DLGAP2: variants seen among roughly 807,000 people sequenced by gnomAD.
The protein encoded by DLGAP2 is disks large-associated protein 2.
A neutral mutation model predicts 100.3 loss-of-function variants in DLGAP2; 26 were observed. The ratio of observed to expected loss-of-function variants is 0.26; its 90% CI spans 0.19 to 0.36. The LOEUF is 0.36. Among genes scored for constraint, DLGAP2 ranks in the 10% least tolerant of loss-of-function variants. The pLI is 1.00. For synonymous variants in DLGAP2, 886 were observed against 630.1 expected (o/e 1.41, Z -6.08); for missense variants, 1,858 against 1,453.2 (o/e 1.28, Z -4.53).
intron 1 of DLGAP2, among the ~76,000 whole-genome samples, chr8:803,773 C>T (rs1796215513): frequency 6.6e-6 from 1 of 152,146 alleles, no homozygotes; most frequent in African/African-American, 2.4e-5. Context: ...TTTATATTCC[C>T]ATTTTGTGAT....
intron 2 of DLGAP2, among the ~76,000 whole-genome samples, chr8:975,392 A>T (rs544004573): frequency 6.6e-6 from 1 of 152,376 alleles, no homozygotes; most frequent in East Asian, 1.9e-4. Context: ...AAATAATTCT[A>T]TAAAATTATT....
At chr8:1,221,258 C>A (rs1215529298) in intron 2 of DLGAP2, among the ~76,000 whole-genome samples, 2 of 152,158 alleles carry the variant, frequency 1.3e-5, no homozygotes, top group East Asian at 3.8e-4. Context: ...CCATGTCTAC[C>A]AGTCCCTTTA....
chr8:813,585 A>C (rs1356090486), intron 1 of DLGAP2, among the ~76,000 whole-genome samples: 1 of 152,154 alleles, frequency 6.6e-6, no homozygotes, highest in African/African-American at 2.4e-5. Flanking sequence ...AGGTAAACTG[A>C]TATGGAAATT....
At chr8:1,266,333 C>T (rs887849952) in intron 3 of DLGAP2, among the ~76,000 whole-genome samples, 1 of 152,226 alleles carries the variant, frequency 6.6e-6, no homozygotes, top group African/African-American at 2.4e-5. Context: ...CTTCTGGTTT[C>T]CAGATGAGCG....
intron 2 of DLGAP2, among the ~76,000 whole-genome samples, chr8:1,029,798 C>G (rs965752636): frequency 6.6e-6 from 1 of 152,104 alleles, no homozygotes; most frequent in East Asian, 1.9e-4. Flanking sequence ...AAAATGCGTC[C>G]TTGTCTGGGA....
chr8:1,528,828 T>C (rs1800884328), intron 4 of DLGAP2, among the ~76,000 whole-genome samples: 1 of 152,192 alleles, frequency 6.6e-6, no homozygotes, highest in African/African-American at 2.4e-5. Context: ...GGAGCTCCCC[T>C]TTTACAGAAA....
chr8:845,935 G>T (rs921702821), intron 1 of DLGAP2, among the ~76,000 whole-genome samples: 172 of 152,158 alleles, frequency 1.1e-3, no homozygotes, highest in Non-Finnish European at 3.5e-4. Context: ...TAATTGAATT[G>T]TCTTGGCACC....
chr8:1,181,274 G>A (rs1056515231), intron 2 of DLGAP2, among the ~76,000 whole-genome samples: 6 of 151,106 alleles, frequency 4.0e-5, no homozygotes, highest in Non-Finnish European at 7.4e-5. Flanking sequence ...GGCACACATC[G>A]TGTGCAAGGG....
chr8:1,423,312 G>A (rs1035406547), intron 3 of DLGAP2, among the ~76,000 whole-genome samples: 3 of 152,040 alleles, frequency 2.0e-5, no homozygotes, highest in African/African-American at 7.2e-5. Flanking sequence ...GGACAGACAG[G>A]TTCCCCCAGG....
intron 1 of DLGAP2, among the ~76,000 whole-genome samples, chr8:777,736 GC>G (rs1266407267): frequency 2.6e-5 from 4 of 152,128 alleles, no homozygotes; most frequent in Middle Eastern, 3.2e-3. Context: ...AGTCTGATGG[GC>G]TTCCCTTTGA....
intron 5 of DLGAP2, among the ~76,000 whole-genome samples, chr8:1,554,684 T>C (rs2906571): frequency 0.93 from 141,828 of 152,094 alleles, 66,265 homozygotes; most frequent in East Asian, 0.99. Context: ...TTCCAGAGGA[T>C]GCTGGCTTGA....
intron 1 of DLGAP2, among the ~76,000 whole-genome samples, chr8:811,212 T>A (rs571443924): frequency 6.6e-6 from 1 of 152,386 alleles, no homozygotes; most frequent in Non-Finnish European, 1.5e-5. Context: ...AGAAGGGGCT[T>A]CTGGGAAAGA....
intron 3 of DLGAP2, among the ~76,000 whole-genome samples, chr8:1,489,032 C>T (rs1799301671): frequency 6.6e-6 from 1 of 152,210 alleles, no homozygotes; most frequent in East Asian, 1.9e-4. Context: ...GCACTGTTAC[C>T]TTCTGCACAT....
intron 2 of DLGAP2, among the ~76,000 whole-genome samples, chr8:1,213,520 C>T (rs193169299): frequency 7.9e-5 from 12 of 152,182 alleles, no homozygotes; most frequent in Non-Finnish European, 4.4e-5. Context: ...TTATATCACC[C>T]GTGTTTTAGT....
At chr8:1,428,513 C>G (rs1006330820) in intron 3 of DLGAP2, among the ~76,000 whole-genome samples, 1 of 152,012 alleles carries the variant, frequency 6.6e-6, no homozygotes, top group African/African-American at 2.4e-5. Flanking sequence ...TTCTTGGTAA[C>G]AAAACAGGCC....
At chr8:1,330,938 G>A (rs1801143849) in intron 3 of DLGAP2, among the ~76,000 whole-genome samples, 1 of 149,728 alleles carries the variant, frequency 6.7e-6, no homozygotes, top group Non-Finnish European at 1.5e-5. Flanking sequence ...GTTCTGGGTG[G>A]GACTGAGTTC....
intron 1 of DLGAP2, among the ~76,000 whole-genome samples, chr8:760,249 C>A (rs1821047141): frequency 6.6e-6 from 1 of 152,262 alleles, no homozygotes; most frequent in African/African-American, 2.4e-5. Flanking sequence ...CTGTCTCCTC[C>A]CTTGCTGCCT....
At chr8:914,584 G>C (rs1798552656) in intron 2 of DLGAP2, among the ~76,000 whole-genome samples, 1 of 152,236 alleles carries the variant, frequency 6.6e-6, no homozygotes, top group Admixed American at 6.5e-5. Context: ...AAATGAAGCA[G>C]GGTCAGCCCC....
At chr8:1,358,202 G>A (rs894413740) in intron 3 of DLGAP2, among the ~76,000 whole-genome samples, 9 of 152,180 alleles carry the variant, frequency 5.9e-5, no homozygotes, top group African/African-American at 1.7e-4. Context: ...GGATGTGGAC[G>A]CACAAAGGAG....
Sources: allele counts gnomAD v4.1 joint callset (sites outside exome capture counted in the v4.1 genomes callset), GRCh38; gene constraint gnomAD v4.1.1; transcripts MANE v1.5; gene names NCBI Gene and HGNC (gene_info 2026-07-23, HGNC 2026-07-21).